ATP10B: variants seen among roughly 807,000 people sequenced by gnomAD.
ATP10B encodes ATPase phospholipid transporting 10B (putative).
ATP10B carries 122 observed loss-of-function variants against 141.2 expected under a neutral mutation model. That is an observed-to-expected ratio of 0.86 (90% CI 0.75 to 1.00). The LOEUF is 1.00. ATP10B is among the 50% of genes least tolerant of loss of function. The pLI is 0.00. For missense variants in ATP10B, 1,876 were observed against 1,825.3 expected (o/e 1.03, Z -0.51); for synonymous variants, 685 against 692.0 (o/e 0.99, Z 0.16).
the ATP10B span, among the ~76,000 whole-genome samples, chr5:160,860,481 A>C: frequency 6.6e-6 from 1 of 151,902 alleles, no homozygotes; most frequent in Non-Finnish European, 1.5e-5. Flanking sequence ...AAATTTTTAG[A>C]AATGAGTTTG....
At position 160,766,352 on chromosome 5, in the gene ATP10B, A is replaced by T. The variant is rs1005548678; in HGVS notation, c.-331+19207T>A. On this transcript the variant is annotated intron_variant, in intron 2 of 25. Coordinates refer to ENST00000327245, the MANE Select transcript of ATP10B (RefSeq NM_025153.3). ...GGATAAAGAGAACACACACACACAC[A>T]CACACACACACACACACACACACAC... 2.7e-4 allele frequency among the ~76,000 whole-genome samples: 27 copies of T among 98,428 alleles called. 1 individual carries two copies. The East Asian group carries it at 6.1e-3, about 22-fold the overall frequency. 64.6% of individuals were successfully genotyped at this position (98,428 alleles called of 152,430 possible). A position where few individuals can be genotyped will look rare whatever the true frequency, so the allele number is the denominator to read the frequency against.
At chr5:160,905,848 G>A in the ATP10B span, among the ~76,000 whole-genome samples, 1 of 152,044 alleles carries the variant, frequency 6.6e-6, no homozygotes, top group Non-Finnish European at 1.5e-5. Flanking sequence ...AAGTATTTAT[G>A]CTTAGCCTCT....
chr5:160,840,644 G>C (rs1412974331), intron 1 of ATP10B, among the ~76,000 whole-genome samples: 2 of 152,020 alleles, frequency 1.3e-5, no homozygotes, highest in African/African-American at 2.4e-5. Context: ...TTATGAAAAA[G>C]TTTTTAGCTG....
intron 6 of ATP10B, among the ~76,000 whole-genome samples, chr5:160,675,348 G>A (rs1056460046): frequency 1.7e-4 from 26 of 152,178 alleles, no homozygotes; most frequent in Admixed American, 1.4e-3. Flanking sequence ...ATTCTGCCAC[G>A]AGGAAAATTA....
Position 160,688,842 on chromosome 5 carries a change from T to G in ATP10B, c.-103A>C, listed in dbSNP as rs1439840521. On this transcript the variant is annotated 5_prime_UTR_variant, in exon 4 of 26. Coordinates refer to ENST00000327245, the MANE Select transcript of ATP10B (RefSeq NM_025153.3). ...CTAGGAAATTTGTCCATGAGGTGAC[T>G]GGGCTGTGCTACTGTCCAGTCAGCT... The G allele has an allele frequency of 1.1e-5, 11 of 985,340 alleles. No homozygotes were observed. Among genetic ancestry groups the G allele is most frequent in the Non-Finnish European group, 1.3e-5 (11 of 829,942 alleles). The allele number at this position is 985,340 out of a possible 1,614,324, so 61.0% of individuals were successfully genotyped here.
At chr5:160,694,798 T>C (rs1764270913) in intron 3 of ATP10B, among the ~76,000 whole-genome samples, 1 of 152,242 alleles carries the variant, frequency 6.6e-6, no homozygotes, top group South Asian at 2.1e-4. Context: ...TGCCTGAGCT[T>C]ACATTAGGTG....
At chr5:160,587,873 C>G (rs1194902216) in intron 24 of ATP10B, among the ~76,000 whole-genome samples, 1 of 152,178 alleles carries the variant, frequency 6.6e-6, no homozygotes, top group African/African-American at 2.4e-5. Flanking sequence ...GAGTCCTGCT[C>G]CATAGCCCAG....
chr5:160,735,912 T>G (rs1043635776), intron 2 of ATP10B, among the ~76,000 whole-genome samples: 12 of 151,982 alleles, frequency 7.9e-5, no homozygotes, highest in Non-Finnish European at 1.8e-4. Flanking sequence ...ATAAAGAAAT[T>G]AAGGAAATTA....
intron 2 of ATP10B, among the ~76,000 whole-genome samples, chr5:160,723,265 A>G (rs183845384): frequency 1.3e-3 from 192 of 152,366 alleles, no homozygotes; most frequent in Admixed American, 2.2e-3. Context: ...GTGATATGGC[A>G]TGAACTTGAC....
chr5:160,890,708 AT>A, the ATP10B span, among the ~76,000 whole-genome samples: 14 of 150,008 alleles, frequency 9.3e-5, no homozygotes, highest in African/African-American at 2.4e-4. Flanking sequence ...AGTTGTTTTC[AT>A]TTTTTTTTCT....
chr5:160,756,088 C>T (rs1346330738), intron 2 of ATP10B, among the ~76,000 whole-genome samples: 2 of 151,516 alleles, frequency 1.3e-5, no homozygotes. Context: ...AACTCCCCAC[C>T]CCTGTTATCC....
intron 2 of ATP10B, among the ~76,000 whole-genome samples, chr5:160,737,962 T>C (rs76666431): frequency 2.0e-5 from 3 of 152,254 alleles, no homozygotes; most frequent in East Asian, 3.9e-4. Context: ...CTTTATCTTA[T>C]TGACATTTGT....
intron 17 of ATP10B, among the ~76,000 whole-genome samples, chr5:160,613,146 T>C (rs1252089246): frequency 6.6e-6 from 1 of 152,094 alleles, no homozygotes; most frequent in East Asian, 1.9e-4. Flanking sequence ...TGAAAGAAAG[T>C]CAGGATACCA....
At chr5:160,893,106 C>G in the ATP10B span, among the ~76,000 whole-genome samples, 6 of 152,148 alleles carry the variant, frequency 3.9e-5, no homozygotes, top group Admixed American at 3.3e-4. Context: ...GTTTCAAGCA[C>G]AAAACTGGGA....
intron 6 of ATP10B, among the ~76,000 whole-genome samples, chr5:160,678,379 G>T (rs1410444539): frequency 2.0e-5 from 3 of 152,154 alleles, no homozygotes; most frequent in African/African-American, 7.2e-5. Context: ...AAAATTACTG[G>T]CTGGGCGTGG....
chr5:160,855,912 G>C (rs1291461904), upstream of ATP10B, among the ~76,000 whole-genome samples: 3 of 151,462 alleles, frequency 2.0e-5, no homozygotes, highest in Non-Finnish European at 4.4e-5. Flanking sequence ...TATTTGTGTG[G>C]ATCTATTTCT....
At chr5:160,820,784 TA>T (rs913704114) in intron 1 of ATP10B, among the ~76,000 whole-genome samples, 1 of 152,078 alleles carries the variant, frequency 6.6e-6, no homozygotes, top group African/African-American at 2.4e-5. Flanking sequence ...GAATGAAGGT[TA>T]AAAACCATAT....
intron 1 of ATP10B, among the ~76,000 whole-genome samples, chr5:160,802,587 C>G (rs999918860): frequency 6.6e-6 from 1 of 152,198 alleles, no homozygotes; most frequent in Non-Finnish European, 1.5e-5. Context: ...AGGGGAGAAA[C>G]CCTGACTTAG....
intron 12 of ATP10B, chr5:160,633,527 A>AACATC (rs1246051556): frequency 1.3e-5 from 2 of 152,300 alleles, no homozygotes; most frequent in Non-Finnish European, 2.9e-5. Context: ...CATGGAGGGG[A>AACATC]ACATCACACA....
Sources: allele counts gnomAD v4.1 joint callset (sites outside exome capture counted in the v4.1 genomes callset), GRCh38; gene constraint gnomAD v4.1.1; transcripts MANE v1.5; gene names NCBI Gene and HGNC (gene_info 2026-07-23, HGNC 2026-07-21).